Variants in TUFT1 observed in about 807,000 individuals in gnomAD.
TUFT1 encodes tuftelin.
Under a neutral mutation model 57.8 loss-of-function variants are expected in TUFT1, and 43 were observed. The observed-to-expected ratio is 0.74, with a 90% CI of 0.58 to 0.96. TUFT1 has a LOEUF of 0.96. TUFT1 is among the 40% of genes least tolerant of loss of function. The pLI, the probability that TUFT1 is intolerant of heterozygous loss-of-function variation, is 0.00. For missense variants in TUFT1, 459 were observed against 489.0 expected (o/e 0.94, Z 0.58); for synonymous variants, 166 against 176.7 (o/e 0.94, Z 0.48).
At chr1:151,547,335 G>A (rs1034585241) in intron 1 of TUFT1, among the ~76,000 whole-genome samples, 1 of 152,246 alleles carries the variant, frequency 6.6e-6, no homozygotes, top group African/African-American at 2.4e-5. Context: ...CGTGCACCCA[G>A]ATGGTTTCAG....
rs536100055 is a variant in TUFT1 at position 151,566,419 on chromosome 1, G to A, written c.480+191G>A. 1.6e-4 allele frequency among the ~76,000 whole-genome samples: 24 copies of A among 152,260 alleles called. 1 individual carries two copies. In the South Asian group the frequency reaches 2.1e-3, roughly 13 times the overall value. On this transcript the variant is annotated intron_variant, in intron 6 of 12. Coordinates refer to ENST00000368849, the MANE Select transcript of TUFT1 (RefSeq NM_020127.3). Reference sequence around the variant, plus strand: ...CTCCTTCCCCAATCTCTCTCCTTGCGAGTATCCACTGTTAACAGATTGAAG... The same window carrying A: ...CTCCTTCCCCAATCTCTCTCCTTGCAAGTATCCACTGTTAACAGATTGAAG...
intron 7 of TUFT1, 53 bp from the exon 8 acceptor site, chr1:151,574,217 C>T: frequency 6.4e-7 from 1 of 1,566,006 alleles, no homozygotes; most frequent in Non-Finnish European, 8.6e-7. Context: ...GGTTTTTTTC[C>T]ATGTTTGCTC....
rs575801219 is a variant in TUFT1, at chr1:151,566,025, T to C, written c.415-138T>C. 3.8e-4 allele frequency: 12 copies of C among 31,626 alleles called. No individual in the cohort carries two copies. In the East Asian group the frequency reaches 0.071, roughly 188 times the overall value. The allele number at this position is 31,626 out of a possible 1,614,324, so 2.0% of individuals were successfully genotyped here. A position where few individuals can be genotyped will look rare whatever the true frequency, so the allele number is the denominator to read the frequency against. On this transcript the variant is annotated intron_variant, in intron 5 of 12. Transcript: ENST00000368849. ...TTTTCTCCCTCCCTTTCTTTTTCTC[T>C]CTCCCTCCCCCTCCCTTTCACCTTC... is the stretch of plus-strand genomic sequence containing the variant.
intron 1 of TUFT1, among the ~76,000 whole-genome samples, chr1:151,555,994 A>G (rs1665686275): frequency 6.6e-6 from 1 of 151,868 alleles, no homozygotes; most frequent in South Asian, 2.1e-4. Context: ...AGCCACACTC[A>G]TTTCCCTCCT....
At chr1:151,563,862 T>C (rs1665975902) in intron 3 of TUFT1, 42 bp from the exon 4 acceptor site, 1 of 1,555,434 alleles carries the variant, frequency 6.4e-7, no homozygotes, top group Middle Eastern at 1.7e-4. Context: ...GTATAGTTAA[T>C]TTAATTTGAG....
At chr1:151,573,731 T>A (rs1010185627) in intron 7 of TUFT1, among the ~76,000 whole-genome samples, 2 of 151,734 alleles carry the variant, frequency 1.3e-5, no homozygotes, top group African/African-American at 4.8e-5. Context: ...GCAACAAGAG[T>A]GAAACTCTGT....
chr1:151,566,283 C>T lies in TUFT1; in HGVS notation c.480+55C>T, dbSNP rs531300485. 7 of 1,413,080 alleles carry T rather than the reference C, an allele frequency of 5.0e-6. No individual in the cohort carries two copies. The South Asian group carries it at 7.2e-5, about 14-fold the overall frequency. 87.5% of individuals were successfully genotyped at this position (1,413,080 alleles called of 1,614,324 possible). A position where few individuals can be genotyped will look rare whatever the true frequency, so the allele number is the denominator to read the frequency against. Reference sequence around the variant, plus strand: ...CGCTTAGCCAGGGGCAGGATTGCCTCCTCCCCATCCTTTTGTTTATTGCTT... The same window carrying T: ...CGCTTAGCCAGGGGCAGGATTGCCTTCTCCCCATCCTTTTGTTTATTGCTT... On this transcript the variant is annotated intron_variant, in intron 6 of 12. Transcript: ENST00000368849.
intron 7 of TUFT1, among the ~76,000 whole-genome samples, chr1:151,573,396 A>G (rs920622415): frequency 6.6e-6 from 1 of 152,216 alleles, no homozygotes; most frequent in Admixed American, 6.5e-5. Context: ...GCAAGTTGGA[A>G]GAAAGGAGGC....
intron 1 of TUFT1, chr1:151,557,789 A>G: frequency 1.3e-6 from 1 of 760,746 alleles, no homozygotes; most frequent in Non-Finnish European, 2.4e-6. Context: ...GACCTGCAAG[A>G]CTCACAAGAG....
At chr1:151,564,086 C>T (rs1267346364) in intron 4 of TUFT1, 96 bp downstream of exon 4, 1 of 967,596 alleles carries the variant, frequency 1.0e-6, no homozygotes, top group Admixed American at 2.5e-5. Context: ...GGTTTTTCCC[C>T]TTCTTTTTCC....
At chr1:151,564,735 T>C in intron 5 of TUFT1, 121 bp downstream of exon 5, 3 of 819,216 alleles carry the variant, frequency 3.7e-6, no homozygotes, top group Non-Finnish European at 6.0e-6. Flanking sequence ...ATGGAGAAAA[T>C]AGAGGTGATG....
chr1:151,540,387 G>T lies in TUFT1; in HGVS notation c.21G>T (p.Trp7Cys). Residue 7 changes from tryptophan to cysteine, a missense_variant, in exon 1 of 13, where the codon TGG (tryptophan) becomes TGT (cysteine). Transcript: ENST00000368849. MNGTRN[W>C]CTLVDVHPED... ...GGAAGATGAACGGGACGCGGAACTGGTGTACCCTGGTGGACGTGCACCCAG... is the reference window on the plus strand; with the variant it reads ...GGAAGATGAACGGGACGCGGAACTGTTGTACCCTGGTGGACGTGCACCCAG... The T allele has an allele frequency of 6.2e-7, 1 of 1,614,222 alleles. No individual in the cohort carries two copies. Among genetic ancestry groups the T allele is most frequent in the South Asian group, 1.1e-5 (1 of 91,092 alleles).
intron 12 of TUFT1, 135 bp downstream of exon 12, chr1:151,581,177 T>G: frequency 1.2e-6 from 1 of 822,464 alleles, no homozygotes; most frequent in South Asian, 1.8e-5. Flanking sequence ...TCTGACCCAC[T>G]GTTTGCCGGA....
At position 151,567,986 on chromosome 1, in the gene TUFT1, C is replaced by A. The variant is rs149577661; in HGVS notation, c.481-1671C>A. On this transcript the variant is annotated intron_variant, in intron 6 of 12. Transcript: ENST00000368849. ...AAACAAATATCACTTGTAATCTACT[C>A]AGAGAAAAACCACAGTGAAATTTCA... 1.2e-4 allele frequency among the ~76,000 whole-genome samples: 19 copies of A among 152,310 alleles called. No individual in the cohort carries two copies. The East Asian group carries it at 3.5e-3, about 28-fold the overall frequency.
At chr1:151,567,502 G>C (rs1324769846) in intron 6 of TUFT1, among the ~76,000 whole-genome samples, 1 of 150,958 alleles carries the variant, frequency 6.6e-6, no homozygotes, top group East Asian at 2.0e-4. Context: ...CCAAAGTTTT[G>C]GGATTATAGT....
intron 1 of TUFT1, among the ~76,000 whole-genome samples, chr1:151,543,391 C>A (rs1206430862): frequency 1.3e-5 from 2 of 150,020 alleles, no homozygotes; most frequent in East Asian, 3.9e-4. Context: ...TTTACTGGGT[C>A]TTGATGTGAA....
At chr1:151,570,360 C>A (rs1666218706) in intron 7 of TUFT1, among the ~76,000 whole-genome samples, 1 of 152,166 alleles carries the variant, frequency 6.6e-6, no homozygotes, top group Non-Finnish European at 1.5e-5. Context: ...TGGCTCACTG[C>A]AACTTCTGCC....
chr1:151,565,168 A>G (rs1292780027), intron 5 of TUFT1: 1 of 152,062 alleles, frequency 6.6e-6, no homozygotes, highest in African/African-American at 2.4e-5. Flanking sequence ...CATTCCCCCC[A>G]GGTCTGGGAT....
intron 1 of TUFT1, among the ~76,000 whole-genome samples, chr1:151,554,756 T>C (rs1207962900): frequency 8.0e-6 from 1 of 124,434 alleles, no homozygotes; most frequent in East Asian, 2.4e-4. Context: ...CAGACTGGAG[T>C]GCAATAGCAC....
Sources: gnomAD v4.1 joint callset for allele counts (sites outside exome capture counted in the v4.1 genomes callset) on GRCh38, gnomAD v4.1.1 for gene constraint, MANE v1.5 for transcripts, NCBI Gene and HGNC (gene_info 2026-07-23, HGNC 2026-07-21) for gene names.